SH3BGRL2: variants seen among roughly 807,000 people sequenced by gnomAD.
The protein encoded by SH3BGRL2 is SH3 domain binding glutamate rich protein like 2, also known as SH3 domain-binding glutamic acid-rich-like protein 2.
In SH3BGRL2, 21 loss-of-function variants were observed where a neutral mutation model predicts 14.8. The observed-to-expected ratio is 1.42, with a 90% confidence interval of 1.01 to 2.05. SH3BGRL2 has a LOEUF of 2.05. Among genes scored for constraint, SH3BGRL2 ranks in the 30% most tolerant of loss-of-function variants. The pLI is 0.00. For synonymous variants in SH3BGRL2, 50 were observed against 47.8 expected (o/e 1.05, Z -0.19); for missense variants, 147 against 130.8 (o/e 1.12, Z -0.61).
the SH3BGRL2 span, among the ~76,000 whole-genome samples, chr6:79,590,965 A>G: frequency 6.6e-6 from 1 of 152,210 alleles, no homozygotes; most frequent in South Asian, 2.1e-4. Flanking sequence ...CATCCCTAAA[A>G]CATTTCAAAG....
At chr6:79,659,439 G>C (rs181631992) in intron 1 of SH3BGRL2, among the ~76,000 whole-genome samples, 1 of 152,290 alleles carries the variant, frequency 6.6e-6, no homozygotes, top group Non-Finnish European at 1.5e-5. Flanking sequence ...TCAAAGATCA[G>C]ATGGTTGTAG....
At chr6:79,694,563 C>T (rs1770292003) in intron 2 of SH3BGRL2, among the ~76,000 whole-genome samples, 1 of 152,174 alleles carries the variant, frequency 6.6e-6, no homozygotes, top group African/African-American at 2.4e-5. Flanking sequence ...GAAATCTCTA[C>T]ATCCTAGAGC....
intron 1 of SH3BGRL2, among the ~76,000 whole-genome samples, chr6:79,634,348 G>A (rs1768882966): frequency 6.6e-6 from 1 of 152,068 alleles, no homozygotes; most frequent in Non-Finnish European, 1.5e-5. Flanking sequence ...TGAAAAATCG[G>A]ATTTCTTATT....
chr6:79,631,590 C>T, intron 1 of SH3BGRL2, 84 bp downstream of exon 1: 2 of 1,170,310 alleles, frequency 1.7e-6, no homozygotes, highest in South Asian at 6.3e-5. Context: ...CACTGCGCGT[C>T]CTTGCGCTCA....
At chr6:79,573,979 T>C in the SH3BGRL2 span, 1 of 152,238 alleles carries the variant, frequency 6.6e-6, no homozygotes, top group African/African-American at 2.4e-5. Context: ...AGATTCTATG[T>C]GTGTCTGTTT....
chr6:79,585,264 TCCATTTTGTATA>T, the SH3BGRL2 span, among the ~76,000 whole-genome samples: 1 of 152,108 alleles, frequency 6.6e-6, no homozygotes, highest in African/African-American at 2.4e-5. Context: ...TTCTTCTCCT[TCCATTTTGTATA>T]CCACTAGATT....
At chr6:79,662,981 T>C (rs758720269) in intron 1 of SH3BGRL2, among the ~76,000 whole-genome samples, 48 of 152,226 alleles carry the variant, frequency 3.2e-4, no homozygotes, top group Non-Finnish European at 4.9e-4. Flanking sequence ...TCTCGTGCCA[T>C]GGTTTTCAGC....
chr6:79,592,422 T>G, the SH3BGRL2 span, among the ~76,000 whole-genome samples: 2 of 152,188 alleles, frequency 1.3e-5, no homozygotes, highest in Non-Finnish European at 2.9e-5. Context: ...GTGAGTGTGA[T>G]ATGTATTACA....
At chr6:79,626,395 C>T (rs1001872165), upstream of SH3BGRL2, among the ~76,000 whole-genome samples, 2 of 152,200 alleles carry the variant, frequency 1.3e-5, no homozygotes, top group African/African-American at 2.4e-5. Flanking sequence ...CCCTTGCTCT[C>T]TCCCTCTACC....
intron 2 of SH3BGRL2, among the ~76,000 whole-genome samples, chr6:79,689,365 A>C (rs1002616653): frequency 2.0e-5 from 3 of 152,150 alleles, no homozygotes; most frequent in African/African-American, 7.2e-5. Context: ...AGAGAAATAC[A>C]GCTTAAGAGA....
the SH3BGRL2 span, among the ~76,000 whole-genome samples, chr6:79,596,812 T>C: frequency 6.6e-6 from 1 of 152,278 alleles, no homozygotes; most frequent in Admixed American, 6.5e-5. Flanking sequence ...GGACCTTGGA[T>C]AGTCAGAACA....
chr6:79,572,738 T>C, the SH3BGRL2 span, among the ~76,000 whole-genome samples: 1 of 152,196 alleles, frequency 6.6e-6, no homozygotes, highest in Non-Finnish European at 1.5e-5. Context: ...GTGCTGGGAT[T>C]ACAGGCGTGA....
chr6:79,575,914 T>C, the SH3BGRL2 span, among the ~76,000 whole-genome samples: 1 of 152,096 alleles, frequency 6.6e-6, no homozygotes, highest in Admixed American at 6.5e-5. Flanking sequence ...TGCATTTGCT[T>C]TGTTTATTTT....
chr6:79,611,404 CTTTT>C, the SH3BGRL2 span, among the ~76,000 whole-genome samples: 6 of 123,688 alleles, frequency 4.9e-5, no homozygotes, highest in African/African-American at 3.1e-5. Flanking sequence ...CAGTATATAA[CTTTT>C]TTTTTTTTTT....
upstream of SH3BGRL2, among the ~76,000 whole-genome samples, chr6:79,627,419 G>A (rs2812722): frequency 0.31 from 46,960 of 151,904 alleles, 7,762 homozygotes; most frequent in East Asian, 0.56. Flanking sequence ...GACAGGCACC[G>A]TATGGCATAA....
rs573940435 is a variant in SH3BGRL2, at chr6:79,690,763, C to CT, written c.232-5722_232-5721insT. On this transcript the variant is annotated intron_variant, in intron 2 of 3. Transcript: ENST00000369838. ...GGTTGGTGCAAGTAGAAGTATAACACCCCCTTGACTGGGCATGGTGGCTCA... is the reference window on the plus strand; with the variant it reads ...GGTTGGTGCAAGTAGAAGTATAACACTCCCCTTGACTGGGCATGGTGGCTCA... Among the ~76,000 whole-genome samples the CT allele has an allele frequency of 1.2e-4, 18 of 152,236 alleles. No individual in the cohort carries two copies. In the East Asian group the frequency reaches 3.3e-3, roughly 28 times the overall value.
At chr6:79,539,098 C>T in the SH3BGRL2 span, among the ~76,000 whole-genome samples, 6 of 152,096 alleles carry the variant, frequency 3.9e-5, no homozygotes, top group Non-Finnish European at 8.8e-5. Flanking sequence ...TCTCAGGATT[C>T]TTACAGTGTG....
chr6:79,555,630 C>T, the SH3BGRL2 span, among the ~76,000 whole-genome samples: 2 of 152,114 alleles, frequency 1.3e-5, no homozygotes, highest in Admixed American at 6.5e-5. Context: ...CCTGCCTCAC[C>T]TTCCGAGTAG....
intron 1 of SH3BGRL2, among the ~76,000 whole-genome samples, chr6:79,636,616 A>G (rs144792740): frequency 1.5e-3 from 227 of 152,310 alleles, no homozygotes; most frequent in Non-Finnish European, 2.9e-3. Flanking sequence ...ATTTGTCTCA[A>G]CATTCTGGAA....
Sources: gnomAD v4.1 joint callset for allele counts (sites outside exome capture counted in the v4.1 genomes callset) on GRCh38, gnomAD v4.1.1 for gene constraint, MANE v1.5 for transcripts, NCBI Gene and HGNC (gene_info 2026-07-23, HGNC 2026-07-21) for gene names.